Variants in HPCAL4 observed in about 807,000 individuals in gnomAD.
HPCAL4 encodes hippocalcin like 4.
In HPCAL4, 16 loss-of-function variants were observed where a neutral mutation model predicts 18.2. The ratio of observed to expected loss-of-function variants is 0.88; its 90% CI spans 0.59 to 1.33. The LOEUF (loss-of-function observed/expected upper bound fraction) is 1.33, where lower values mean the gene tolerates loss of function less well. Among genes scored for constraint, HPCAL4 ranks in the 40% most tolerant of loss-of-function variants. The probability of loss-of-function intolerance (pLI) is 0.00; values close to 1 mark genes in which losing one functional copy is unlikely to be tolerated. For synonymous variants in HPCAL4, 80 were observed against 97.5 expected, an observed-to-expected ratio of 0.82 and a Z score of 1.06; for missense variants, 214 against 256.6, an observed-to-expected ratio of 0.83 and a Z score of 1.14.
chr1:39,683,483 C>T (rs12024583), intron 3 of HPCAL4, among the ~76,000 whole-genome samples: 1 of 152,238 alleles, frequency 6.6e-6, no homozygotes, highest in African/African-American at 2.4e-5. Flanking sequence ...TATAAAGTAA[C>T]TTCTCCATCA....
rs1461156437 is a variant in HPCAL4 at position 39,681,729 on chromosome 1, C to T, written c.*807G>A. On this transcript the variant is annotated 3_prime_UTR_variant, in exon 4 of 4. Coordinates refer to ENST00000372844, the MANE Select transcript of HPCAL4 (RefSeq NM_016257.4). ...CTGAAATAATAAAATGACTGTAGCTCCTTTAAAGGGTACTAAAAAAATAAG... is the reference window on the plus strand; with the variant it reads ...CTGAAATAATAAAATGACTGTAGCTTCTTTAAAGGGTACTAAAAAAATAAG... The T allele has an allele frequency of 6.6e-6, 1 of 152,110 alleles. No individual in the cohort carries two copies. Among genetic ancestry groups the T allele is most frequent in the Non-Finnish European group, 1.5e-5 (1 of 68,020 alleles). The allele number at this position is 152,110 out of a possible 1,614,324, so 9.4% of individuals were successfully genotyped here.
rs757601117 is a variant in HPCAL4, at chr1:39,682,534, T to C, written c.*2A>G. 1 of 1,614,164 alleles carries C rather than the reference T, an allele frequency of 6.2e-7. No individual in the cohort carries two copies. Among genetic ancestry groups the C allele is most frequent in the African/African-American group, 1.3e-5 (1 of 75,056 alleles). ...GCCAGGGACCCTGCCCCTCACCAGC[T>C]TCTACTTCTGCATGTCACACTGCAG... On this transcript the variant is annotated 3_prime_UTR_variant, in exon 4 of 4. Coordinates refer to ENST00000372844, the MANE Select transcript of HPCAL4 (RefSeq NM_016257.4).
intron 1 of HPCAL4, among the ~76,000 whole-genome samples, chr1:39,689,501 G>A (rs1646701781): frequency 6.6e-6 from 1 of 152,178 alleles, no homozygotes; most frequent in Non-Finnish European, 1.5e-5. Context: ...GGAAGGAAGG[G>A]TTCACCCCAG....
In HPCAL4 at chr1:39,679,055, C is replaced by T. The variant is rs946944995; in HGVS notation, c.*3481G>A. ...AATAAAACATGTAAGACATTCTTGA[C>T]CCCACAGTGATCTCTAAAGTCAGCT... On this transcript the variant is annotated 3_prime_UTR_variant, in exon 4 of 4. Transcript: ENST00000372844. 1 of 152,202 alleles carries T rather than the reference C, an allele frequency of 6.6e-6. No homozygotes were observed. Among genetic ancestry groups the T allele is most frequent in the African/African-American group, 2.4e-5 (1 of 41,444 alleles). The allele number at this position is 152,202 out of a possible 1,614,324, so 9.4% of individuals were successfully genotyped here.
intron 3 of HPCAL4, among the ~76,000 whole-genome samples, chr1:39,683,286 T>G (rs1237101738): frequency 6.6e-6 from 1 of 152,184 alleles, no homozygotes; most frequent in Non-Finnish European, 1.5e-5. Context: ...TGGCTCCCCG[T>G]ATGACCACCT....
intron 1 of HPCAL4, among the ~76,000 whole-genome samples, chr1:39,685,618 A>G (rs754571487): frequency 8.5e-5 from 13 of 152,172 alleles, no homozygotes; most frequent in South Asian, 2.1e-4. Context: ...GGTGGCTCAC[A>G]CCTGTAATCC....
intron 1 of HPCAL4, among the ~76,000 whole-genome samples, chr1:39,690,604 G>C (rs1432107942): frequency 2.6e-5 from 4 of 152,154 alleles, no homozygotes; most frequent in African/African-American, 9.7e-5. Context: ...GGTCTGCTGG[G>C]GGTGGTGTCT....
Position 39,679,934 on chromosome 1 carries a change from C to T in HPCAL4, c.*2602G>A, listed in dbSNP as rs1026625956. 6.6e-6 allele frequency: 1 copy of T among 152,614 alleles called. No homozygotes were observed. The highest frequency in any genetic ancestry group is 1.9e-4 in the East Asian group (1 of 5,204). 9.5% of individuals were successfully genotyped at this position (152,614 alleles called of 1,614,324 possible). A position where few individuals can be genotyped will look rare whatever the true frequency, so the allele number is the denominator to read the frequency against. On this transcript the variant is annotated 3_prime_UTR_variant, in exon 4 of 4. Transcript: ENST00000372844. ...CACGCCTTCATGGGTAGGCATGTTTCTCTTAGTGAAGATGATGGTGGGTAA... is the reference window on the plus strand; with the variant it reads ...CACGCCTTCATGGGTAGGCATGTTTTTCTTAGTGAAGATGATGGTGGGTAA...
chr1:39,679,049 T>G lies in HPCAL4; in HGVS notation c.*3487A>C, dbSNP rs1646598378. 2 of 152,248 alleles carry G rather than the reference T, an allele frequency of 1.3e-5. No individual in the cohort carries two copies. The highest frequency in any genetic ancestry group is 4.8e-5 in the African/African-American group (2 of 41,470). 9.4% of individuals were successfully genotyped at this position (152,248 alleles called of 1,614,324 possible). On this transcript the variant is annotated 3_prime_UTR_variant, in exon 4 of 4. Transcript: ENST00000372844. ...ATGATGAATAAAACATGTAAGACATTCTTGACCCCACAGTGATCTCTAAAG... is the reference window on the plus strand; with the variant it reads ...ATGATGAATAAAACATGTAAGACATGCTTGACCCCACAGTGATCTCTAAAG...
Position 39,682,477 on chromosome 1 carries a change from C to T in HPCAL4, c.*59G>A. The stretch of plus-strand genomic sequence containing the variant: ...CTCCTGGGAGGCCAGCCAGAGAGGT[C>T]ATCAGGTTGGGAGGTGGCCATGCCC... On this transcript the variant is annotated 3_prime_UTR_variant, in exon 4 of 4. Transcript: ENST00000372844. 1 of 1,549,054 alleles carries T rather than the reference C, an allele frequency of 6.5e-7. No individual in the cohort carries two copies. The highest frequency in any genetic ancestry group is 8.9e-7 in the Non-Finnish European group (1 of 1,123,896).
At position 39,681,891 on chromosome 1, in the gene HPCAL4, C is replaced by G. The variant is rs567616503; in HGVS notation, c.*645G>C. Reference sequence around the variant, plus strand: ...AAATAGCTCCTCCCAGACTAACCAGCCTTCCAGCACCTTCTGCTTAGCTGA... The same window carrying G: ...AAATAGCTCCTCCCAGACTAACCAGGCTTCCAGCACCTTCTGCTTAGCTGA... On this transcript the variant is annotated 3_prime_UTR_variant, in exon 4 of 4. Coordinates refer to ENST00000372844, the MANE Select transcript of HPCAL4 (RefSeq NM_016257.4). 7 of 152,670 alleles carry G rather than the reference C, an allele frequency of 4.6e-5. No individual in the cohort carries two copies. The highest frequency in any genetic ancestry group is 1.4e-4 in the African/African-American group (6 of 41,452). The allele number at this position is 152,670 out of a possible 1,614,324, so 9.5% of individuals were successfully genotyped here. A position where few individuals can be genotyped will look rare whatever the true frequency, so the allele number is the denominator to read the frequency against.
chr1:39,682,803 GGGAT>G (rs1318440625), intron 3 of HPCAL4, 70 bp from the exon 4 acceptor site: 2 of 1,251,378 alleles, frequency 1.6e-6, no homozygotes, highest in East Asian at 4.7e-5. Context: ...GTGAAGGAAA[GGGAT>G]CTGGCAGGGA....
Position 39,684,380 on chromosome 1 carries a change from C to G in HPCAL4, c.162+62G>C, listed in dbSNP as rs1342479155. ...CAGGGTGCCCTGCCTCCCTCACCCC[C>G]GGTTCCTCGCCTCCCCCAACCCGGG... is the stretch of plus-strand genomic sequence containing the variant. On this transcript the variant is annotated intron_variant, in intron 2 of 3. Transcript: ENST00000372844. 10 of 1,237,806 alleles carry G rather than the reference C, an allele frequency of 8.1e-6. No individual in the cohort carries two copies. In the East Asian group the frequency reaches 3.1e-4, roughly 39 times the overall value. The allele number at this position is 1,237,806 out of a possible 1,614,324, so 76.7% of individuals were successfully genotyped here.
rs769857184 is a variant in HPCAL4 at position 39,684,412 on chromosome 1, G to C, written c.162+30C>G. ...TCGCCTCCCCCAACCCGGGTACTTGGCTCCCTCACACCAGGTGCCGGCCGC... is the reference window on the plus strand; with the variant it reads ...TCGCCTCCCCCAACCCGGGTACTTGCCTCCCTCACACCAGGTGCCGGCCGC... On this transcript the variant is annotated intron_variant, in intron 2 of 3. Transcript: ENST00000372844. 2.0e-5 allele frequency: 27 copies of C among 1,333,912 alleles called. No homozygotes were observed. In the African/African-American group the frequency reaches 4.1e-4, roughly 20 times the overall value. The allele number at this position is 1,333,912 out of a possible 1,614,324, so 82.6% of individuals were successfully genotyped here.
At chr1:39,686,626 A>T (rs1646677831) in intron 1 of HPCAL4, among the ~76,000 whole-genome samples, 1 of 152,210 alleles carries the variant, frequency 6.6e-6, no homozygotes, top group African/African-American at 2.4e-5. Context: ...GTTGCTGAGA[A>T]GCAGGTTTGG....
chr1:39,687,062 C>T (rs1486652527), intron 1 of HPCAL4, among the ~76,000 whole-genome samples: 1 of 152,180 alleles, frequency 6.6e-6, no homozygotes, highest in South Asian at 2.1e-4. Context: ...TGACCTCAGG[C>T]TAGTTACAGA....
Position 39,682,517 on chromosome 1 carries a change from C to A in HPCAL4, c.*19G>T. 1 of 1,613,788 alleles carries A rather than the reference C, an allele frequency of 6.2e-7. No homozygotes were observed. The highest frequency in any genetic ancestry group is 1.1e-5 in the South Asian group (1 of 91,068). On this transcript the variant is annotated 3_prime_UTR_variant, in exon 4 of 4. Transcript: ENST00000372844. ...TGGCCATGCCCCTTCTGGCCAGGGACCCTGCCCCTCACCAGCTTCTACTTC... is the reference window on the plus strand; with the variant it reads ...TGGCCATGCCCCTTCTGGCCAGGGAACCTGCCCCTCACCAGCTTCTACTTC...
intron 2 of HPCAL4, 134 bp downstream of exon 2, chr1:39,684,308 G>A (rs1646655487): frequency 1.1e-6 from 1 of 933,906 alleles, no homozygotes; most frequent in East Asian, 3.0e-5. Flanking sequence ...CGCACCCCGG[G>A]TGCCTCGCCT....
chr1:39,683,939 C>T lies in HPCAL4; in HGVS notation c.376G>A (p.Glu126Lys), dbSNP rs1646649432. Residue 126 changes from glutamate (E) to lysine (K), a missense_variant and splice_region_variant, in exon 3 of 4, where the codon GAG becomes AAG. Coordinates refer to ENST00000372844, the MANE Select transcript of HPCAL4 (RefSeq NM_016257.4). Reference protein sequence around the residue: ...ITRLEMLEIIEAIYKMVGTVI... With the variant: ...ITRLEMLEIIKAIYKMVGTVI... ...GCAGCGCCCGCGCGGCCCCGCACCT[C>T]GATGATCTCCAGCATCTCCAGGCGC... The T allele has an allele frequency of 6.2e-7, 1 of 1,613,040 alleles. No homozygotes were observed. Among genetic ancestry groups the T allele is most frequent in the Non-Finnish European group, 8.5e-7 (1 of 1,179,568 alleles).
Sources: gnomAD v4.1 joint callset for allele counts (sites outside exome capture counted in the v4.1 genomes callset) on GRCh38, gnomAD v4.1.1 for gene constraint, MANE v1.5 for transcripts, NCBI Gene and HGNC (gene_info 2026-07-23, HGNC 2026-07-21) for gene names.